The following TNK1 variants were observed in gnomAD, a reference collection of about 807,000 sequenced individuals.
TNK1 encodes non-receptor tyrosine-protein kinase TNK1.
Under a neutral mutation model 65.2 loss-of-function variants are expected in TNK1, and 53 were observed. The ratio of observed to expected loss-of-function variants is 0.81; its 90% CI spans 0.65 to 1.02. The LOEUF (loss-of-function observed/expected upper bound fraction) is 1.02, where lower values mean the gene tolerates loss of function less well. Ranked by LOEUF, TNK1 falls within the 50% of genes least tolerant of loss-of-function variation. TNK1 has a pLI of 0.00. For missense variants in TNK1, 837 were observed against 878.4 expected (o/e 0.95, Z 0.60); for synonymous variants, 353 against 364.6 (o/e 0.97, Z 0.36).
In TNK1 at chr17:7,382,849, C is replaced by T. The variant is rs1201250472; in HGVS notation, c.-78C>T. On this transcript the variant is annotated 5_prime_UTR_variant, in exon 2 of 13. Coordinates refer to ENST00000688331, the MANE Select transcript of TNK1 (RefSeq NM_003985.6). The surrounding 1 kb of genome is among the most constrained non-coding windows in gnomAD (Gnocchi z 4.1). ...AATGACTTGCAGGTGGAGCTGGAGA[C>T]CTGGTCTCTCTAGGGCCTACCCTGA... The T allele has an allele frequency of 6.7e-7, 1 of 1,503,324 alleles. No individual in the cohort carries two copies. Among genetic ancestry groups the T allele is most frequent in the African/African-American group, 1.4e-5 (1 of 72,062 alleles). The allele number at this position is 1,503,324 out of a possible 1,614,324, so 93.1% of individuals were successfully genotyped here. A position where few individuals can be genotyped will look rare whatever the true frequency, so the allele number is the denominator to read the frequency against.
Position 7,384,219 on chromosome 17 carries a change from G to C in TNK1, c.832G>C (p.Val278Leu). 1.3e-6 allele frequency: 2 copies of C among 1,513,098 alleles called. No homozygotes were observed. The highest frequency in any genetic ancestry group is 1.8e-6 in the Non-Finnish European group (2 of 1,138,800). The allele number at this position is 1,513,098 out of a possible 1,614,324, so 93.7% of individuals were successfully genotyped here. ...TCTGGGCGGTGCCCGGGGCCGCTAC[G>C]TCATGGGCGGGCCCCGCCCTATCCC... is the stretch of plus-strand genomic sequence containing the variant. ...RPLGGARGRY[V>L]MGGPRPIPYA... is the part of the protein sequence containing the mutation. The change falls in exon 6 of 13, where the codon GTC becomes CTC. Residue 278 changes from valine to leucine, a missense_variant. Coordinates refer to ENST00000688331, the MANE Select transcript of TNK1 (RefSeq NM_003985.6).
chr17:7,383,668 T>A, intron 4 of TNK1, 41 bp from the exon 5 acceptor site: 1 of 1,602,058 alleles, frequency 6.2e-7, no homozygotes, highest in Non-Finnish European at 8.5e-7. Context: ...CCTCTGTTCT[T>A]CATGCCCGCA....
Position 7,386,620 on chromosome 17 carries a change from G to A in TNK1, c.1197G>A (p.Met399Ile), listed in dbSNP as rs2143139465. ...RDVTEPGALR[M>I]ETGDPITVIE... Reference sequence around the variant, plus strand: ...TCACAGAACCAGGCGCCCTGAGGATGGAGACTGGTGACCCCATCACAGTCA... The same window carrying A: ...TCACAGAACCAGGCGCCCTGAGGATAGAGACTGGTGACCCCATCACAGTCA... The change falls in exon 8 of 13, where the codon ATG (methionine) becomes ATA (isoleucine). Residue 399 changes from methionine to isoleucine, a missense_variant. Transcript: ENST00000688331. The A allele has an allele frequency of 6.2e-7, 1 of 1,601,766 alleles. No individual in the cohort carries two copies. The highest frequency in any genetic ancestry group is 1.3e-5 in the African/African-American group (1 of 74,810).
chr17:7,383,788 T>C lies in TNK1; in HGVS notation c.506T>C (p.Val169Ala), dbSNP rs1904989514. Residue 169 changes from valine (V) to alanine (A), a missense_variant, in exon 5 of 13, where the codon GTA becomes GCA. Coordinates refer to ENST00000688331, the MANE Select transcript of TNK1 (RefSeq NM_003985.6). ...GAACTGGGGGACTTCCTGCGAGAGG[T>C]ATCGGTCATGATGAACTTGGAGCAC... ...GTELGDFLREVSVMMNLEHPH... is the reference protein window; with the variant it reads ...GTELGDFLREASVMMNLEHPH... The C allele has an allele frequency of 6.2e-7, 1 of 1,612,820 alleles. No individual in the cohort carries two copies. Among genetic ancestry groups the C allele is most frequent in the African/African-American group, 1.3e-5 (1 of 74,866 alleles).
At chr17:7,384,460 T>C in intron 6 of TNK1, 24 bp from the exon 7 acceptor site, 2 of 1,509,102 alleles carry the variant, frequency 1.3e-6, no homozygotes, top group Non-Finnish European at 1.8e-6. Context: ...GTCCCGCCCC[T>C]TTCAGCTCCA....
At position 7,388,709 on chromosome 17, in the gene TNK1, G is replaced by A; in HGVS notation, c.1776+5G>A. ...TTGCAGAGGAAGATTATGGAGGTGA[G>A]GTCTCACTGAAATGGCCTGGTGTCC... On this transcript the variant is annotated splice_donor_5th_base_variant and intron_variant, in intron 11 of 12. Transcript: ENST00000688331. The surrounding 1 kb of genome is among the most constrained non-coding windows in gnomAD (Gnocchi z 4.5). 1 of 1,611,504 alleles carries A rather than the reference G, an allele frequency of 6.2e-7. No individual in the cohort carries two copies. Among genetic ancestry groups the A allele is most frequent in the Non-Finnish European group, 8.5e-7 (1 of 1,178,500 alleles).
Position 7,384,102 on chromosome 17 carries a change from C to A in TNK1, c.715C>A (p.Arg239Ser). Residue 239 changes from arginine to serine, a missense_variant, in exon 6 of 13, where the codon CGC (arginine) becomes AGC (serine). Transcript: ENST00000688331. The part of the protein sequence containing the change: ...LAGAMAYLGA[R>S]GLVHRDLATR... Reference sequence around the variant, plus strand: ...GGGAGCCATGGCGTACCTGGGGGCCCGCGGGCTGGTGCACCGAGACCTCGC... The same window carrying A: ...GGGAGCCATGGCGTACCTGGGGGCCAGCGGGCTGGTGCACCGAGACCTCGC... 1.9e-6 allele frequency: 3 copies of A among 1,545,982 alleles called. No homozygotes were observed. The highest frequency in any genetic ancestry group is 1.9e-5 in the Admixed American group (1 of 52,184).
chr17:7,384,183 C>T lies in TNK1; in HGVS notation c.796C>T (p.Leu266=), dbSNP rs1361801872. ...CACCATCAAGGTGGCTGACTTCGGG[C>T]TGGTGCGGCCTCTGGGCGGTGCCCG... ...PRTIKVADFG[L]VRPLGGARGR... Residue 266 remains leucine (L), a synonymous_variant, in exon 6 of 13, where the codon CTG becomes TTG. Transcript: ENST00000688331. 8 of 1,532,782 alleles carry T rather than the reference C, an allele frequency of 5.2e-6. No homozygotes were observed. Among genetic ancestry groups the T allele is most frequent in the African/African-American group, 1.4e-5 (1 of 72,724 alleles). 94.9% of individuals were successfully genotyped at this position (1,532,782 alleles called of 1,614,324 possible).
chr17:7,385,668 A>C (rs528587427), intron 7 of TNK1, among the ~76,000 whole-genome samples: 5 of 151,924 alleles, frequency 3.3e-5, no homozygotes, highest in Non-Finnish European at 5.9e-5. Context: ...GGGTTCAAGC[A>C]ATTCTCCTGT....
Position 7,382,253 on chromosome 17 carries a change from G to A in TNK1, c.-91-583G>A, listed in dbSNP as rs554017666. On this transcript the variant is annotated intron_variant, in intron 1 of 12. Coordinates refer to ENST00000688331, the MANE Select transcript of TNK1 (RefSeq NM_003985.6). This position sits in a 1 kb window ranked among gnomAD's most constrained non-coding sequence, Gnocchi z 4.1. The stretch of plus-strand genomic sequence containing the variant: ...TGCATTCCAGCCTAGATGACAGAGC[G>A]AGACTCCGTCTCAAAAAAAAAAAAA... 7.1e-5 allele frequency among the ~76,000 whole-genome samples: 9 copies of A among 127,578 alleles called. No homozygotes were observed. In the South Asian group the frequency reaches 1.1e-3, roughly 15 times the overall value. 83.7% of individuals were successfully genotyped at this position (127,578 alleles called of 152,430 possible).
At position 7,388,368 on chromosome 17, in the gene TNK1, C is replaced by T. The variant is rs745872125; in HGVS notation, c.1478-38C>T. ...TGAGCCCGGGAGGCGGAGGCTGCAG[C>T]CAGCCGAGTTCAAGTTGTTTCCTTC... On this transcript the variant is annotated intron_variant, in intron 10 of 12. Transcript: ENST00000688331. This position sits in a 1 kb window ranked among gnomAD's most constrained non-coding sequence, Gnocchi z 4.5. 6.5e-7 allele frequency: 1 copy of T among 1,548,922 alleles called. No homozygotes were observed. The highest frequency in any genetic ancestry group is 8.7e-7 in the Non-Finnish European group (1 of 1,146,228).
At position 7,388,671 on chromosome 17, in the gene TNK1, G is replaced by C. The variant is rs1905361219; in HGVS notation, c.1743G>C (p.Leu581Phe). 2.5e-6 allele frequency: 4 copies of C among 1,613,754 alleles called. No individual in the cohort carries two copies. Among genetic ancestry groups the C allele is most frequent in the Non-Finnish European group, 2.5e-6 (3 of 1,179,778 alleles). ...CCGCTGCCCTCTCTGGAGGCCTCTTGTCCGATCCTGAGTTGCAGAGGAAGA... is the reference window on the plus strand; with the variant it reads ...CCGCTGCCCTCTCTGGAGGCCTCTTCTCCGATCCTGAGTTGCAGAGGAAGA... ...RKAAALSGGL[L>F]SDPELQRKIM... Residue 581 changes from leucine (L) to phenylalanine (F), a missense_variant, in exon 11 of 13, where the codon TTG becomes TTC. Transcript: ENST00000688331. The surrounding 1 kb of genome is among the most constrained non-coding windows in gnomAD (Gnocchi z 4.5).
rs1306978177 is a variant in TNK1 at position 7,384,136 on chromosome 17, A to G, written c.749A>G (p.Asn250Ser). 3 of 1,546,948 alleles carry G rather than the reference A, an allele frequency of 1.9e-6. No individual in the cohort carries two copies. The highest frequency in any genetic ancestry group is 8.7e-7 in the Non-Finnish European group (1 of 1,154,118). The change falls in exon 6 of 13, where the codon AAC (asparagine) becomes AGC (serine). Residue 250 changes from asparagine to serine, a missense_variant. Asn to Ser is a conservative substitution (Grantham distance 46). Transcript: ENST00000688331. Reference sequence around the variant, plus strand: ...GTGCACCGAGACCTCGCTACGCGCAACCTACTGCTGGCGTCGCCGCGCACC... The same window carrying G: ...GTGCACCGAGACCTCGCTACGCGCAGCCTACTGCTGGCGTCGCCGCGCACC... The part of the protein sequence containing the change: ...GLVHRDLATR[N>S]LLLASPRTIK...
intron 7 of TNK1, among the ~76,000 whole-genome samples, chr17:7,385,085 C>A (rs1905104957): frequency 6.6e-6 from 1 of 152,124 alleles, no homozygotes; most frequent in Non-Finnish European, 1.5e-5. Flanking sequence ...AAGCCGCAGG[C>A]CGGGCGCGGT....
At chr17:7,383,677 C>T (rs1904974539) in intron 4 of TNK1, 32 bp from the exon 5 acceptor site, 1 of 1,605,000 alleles carries the variant, frequency 6.2e-7, no homozygotes, top group Non-Finnish European at 8.5e-7. Flanking sequence ...TTCATGCCCG[C>T]AATGCCTAAA....
At position 7,386,576 on chromosome 17, in the gene TNK1, G is replaced by T; in HGVS notation, c.1153G>T (p.Ala385Ser). 1 of 1,604,262 alleles carries T rather than the reference G, an allele frequency of 6.2e-7. No individual in the cohort carries two copies. The highest frequency in any genetic ancestry group is 1.1e-5 in the South Asian group (1 of 88,888). The change falls in exon 8 of 13, where the codon GCA (alanine) becomes TCA (serine). Residue 385 changes from alanine to serine, a missense_variant. By Grantham distance (99) the Ala-to-Ser change is moderately conservative (BLOSUM62 1). Coordinates refer to ENST00000688331, the MANE Select transcript of TNK1 (RefSeq NM_003985.6). ...GTCTCCACAGGCCGGGCCTTCGGAA[G>T]CATGTTGTGTGAGGGATGTCACAGA... ...GLLQEAGPSE[A>S]CCVRDVTEPG...
chr17:7,386,319 G>A lies in TNK1; in HGVS notation c.1138-242G>A, dbSNP rs144775240. 1.5e-3 allele frequency among the ~76,000 whole-genome samples: 226 copies of A among 152,190 alleles called. 1 individual carries two copies. Among genetic ancestry groups the A allele is most frequent in the African/African-American group, 5.4e-3 (223 of 41,502 alleles). ...GAGTGAAAGCAGTGTACAGGATGAC[G>A]CTCCTGTTAGTCCCCCCAGGTAGAG... On this transcript the variant is annotated intron_variant, in intron 7 of 12. Coordinates refer to ENST00000688331, the MANE Select transcript of TNK1 (RefSeq NM_003985.6).
At chr17:7,385,090 C>T (rs770205636) in intron 7 of TNK1, among the ~76,000 whole-genome samples, 2 of 152,144 alleles carry the variant, frequency 1.3e-5, no homozygotes, top group Non-Finnish European at 2.9e-5. Context: ...GCAGGCCGGG[C>T]GCGGTGGCTC....
In TNK1 at chr17:7,389,070, C is replaced by A; in HGVS notation, c.1972C>A (p.Leu658Met). The A allele has an allele frequency of 6.4e-7, 1 of 1,552,890 alleles. No homozygotes were observed. The highest frequency in any genetic ancestry group is 8.7e-7 in the Non-Finnish European group (1 of 1,147,574). Residue 658 changes from leucine to methionine, a missense_variant, in exon 13 of 13, where the codon CTG becomes ATG. Physicochemically the swap from Leu to Met is conservative, Grantham distance 15. Coordinates refer to ENST00000688331, the MANE Select transcript of TNK1 (RefSeq NM_003985.6). ...CCTCTCAGCTGCCAGCCGCTATGTC[C>A]TGGCCAGGCCCTGAGCTCAGCTTCT... Reference protein sequence around the residue: ...WDLSAASRYVLARP With the variant: ...WDLSAASRYVMARP
Sources: gnomAD v4.1 joint callset for allele counts (sites outside exome capture counted in the v4.1 genomes callset) on GRCh38, gnomAD v4.1.1 for gene constraint, Gnocchi (gnomAD v3.1) non-coding constraint, MANE v1.5 for transcripts, NCBI Gene and HGNC (gene_info 2026-07-23, HGNC 2026-07-21) for gene names.